The following BBS9 variants were observed in gnomAD, a reference collection of about 807,000 sequenced individuals.
BBS9 encodes Bardet-Biedl syndrome 9.
BBS9 carries 89 observed loss-of-function variants against 117.7 expected under a neutral mutation model. That is an observed-to-expected ratio of 0.76 (90% CI 0.64 to 0.90). The LOEUF is 0.90. Among genes scored for constraint, BBS9 ranks in the 40% least tolerant of loss-of-function variants. BBS9 has a pLI of 0.00. For missense variants in BBS9, 982 were observed against 1,042.2 expected, an observed-to-expected ratio of 0.94 and a Z score of 0.80; for synonymous variants, 379 against 370.9, an observed-to-expected ratio of 1.02 and a Z score of -0.25.
intron 19 of BBS9, among the ~76,000 whole-genome samples, chr7:33,473,870 A>G (rs528028421): frequency 6.6e-5 from 10 of 152,254 alleles, no homozygotes; most frequent in South Asian, 2.1e-4. Context: ...AGGGAATCAT[A>G]TCTTATTTAT....
intron 9 of BBS9, 100 bp downstream of exon 9, chr7:33,274,056 A>T: frequency 7.6e-7 from 1 of 1,322,654 alleles, no homozygotes; most frequent in Non-Finnish European, 1.1e-6. Context: ...TTAAAAAATT[A>T]CAGGTGACAT....
intron 19 of BBS9, among the ~76,000 whole-genome samples, chr7:33,411,009 G>A (rs1436766169): frequency 1.1e-5 from 1 of 91,590 alleles, no homozygotes; most frequent in African/African-American, 3.8e-5. Flanking sequence ...TAAAATGTTG[G>A]TGTTTTTTTT....
chr7:33,470,193 A>T (rs372248088), intron 19 of BBS9, among the ~76,000 whole-genome samples: 19 of 152,150 alleles, frequency 1.2e-4, no homozygotes, highest in African/African-American at 4.3e-4. Flanking sequence ...TTGCCTTTTC[A>T]TAACAATATA....
At chr7:33,522,321 C>T (rs1477147180) in intron 20 of BBS9, among the ~76,000 whole-genome samples, 1 of 151,924 alleles carries the variant, frequency 6.6e-6, no homozygotes, top group African/African-American at 2.4e-5. Context: ...GGAATCGCCA[C>T]ACTGACTTCC....
At chr7:33,595,044 A>C (rs192006576) in intron 21 of BBS9, among the ~76,000 whole-genome samples, 7 of 152,300 alleles carry the variant, frequency 4.6e-5, no homozygotes, top group Admixed American at 1.3e-4. Context: ...AAATTAACTC[A>C]AGATAGATTA....
intron 19 of BBS9, among the ~76,000 whole-genome samples, chr7:33,433,312 A>G (rs942570108): frequency 2.6e-5 from 4 of 152,218 alleles, no homozygotes; most frequent in Non-Finnish European, 4.4e-5. Context: ...AGTCATCTGT[A>G]TAATGCCTTT....
At chr7:33,430,679 A>G (rs1376342043) in intron 19 of BBS9, among the ~76,000 whole-genome samples, 1 of 152,224 alleles carries the variant, frequency 6.6e-6, no homozygotes, top group African/African-American at 2.4e-5. Context: ...GTGGATTTAA[A>G]ATATGATAAA....
At chr7:33,351,368 G>A (rs1818618253) in intron 14 of BBS9, 45 bp downstream of exon 14, 1 of 1,292,210 alleles carries the variant, frequency 7.7e-7, no homozygotes. Context: ...TTGGAGTTAT[G>A]AGTAAAATGC....
chr7:33,568,357 A>G, intron 21 of BBS9, among the ~76,000 whole-genome samples: 1 of 151,886 alleles, frequency 6.6e-6, no homozygotes, highest in East Asian at 1.9e-4. Flanking sequence ...TGACATCCCC[A>G]CTTCCTTCCT....
intron 21 of BBS9, among the ~76,000 whole-genome samples, chr7:33,585,133 A>G (rs1171501826): frequency 6.6e-6 from 1 of 152,094 alleles, no homozygotes; most frequent in African/African-American, 2.4e-5. Context: ...CTATAGAAGT[A>G]TCCACCAATG....
At chr7:33,201,685 G>A (rs1174914068) in intron 5 of BBS9, among the ~76,000 whole-genome samples, 1 of 151,764 alleles carries the variant, frequency 6.6e-6, no homozygotes, top group East Asian at 1.9e-4. Context: ...AGAAGCTCAT[G>A]TTTGTTTCTT....
At position 33,505,483 on chromosome 7, in the gene BBS9, A is replaced by G. The variant is rs1200861380; in HGVS notation, c.2136A>G (p.Ala712=). The part of the protein sequence containing the change: ...TYKQVIALAD[A]VEENQGNLFQ... Reference sequence around the variant, plus strand: ...TGCAGGTAATTGCTCTAGCAGATGCAGTGGAGGAAAACCAAGGCAATCTGT... The same window carrying G: ...TGCAGGTAATTGCTCTAGCAGATGCGGTGGAGGAAAACCAAGGCAATCTGT... Residue 712 remains alanine (A), a synonymous_variant, in exon 20 of 23, where the codon GCA becomes GCG. Coordinates refer to ENST00000242067, the MANE Select transcript of BBS9 (RefSeq NM_198428.3). The G allele has an allele frequency of 4.3e-6, 7 of 1,614,174 alleles. No homozygotes were observed. Among genetic ancestry groups the G allele is most frequent in the Non-Finnish European group, 5.9e-6 (7 of 1,179,974 alleles).
intron 5 of BBS9, among the ~76,000 whole-genome samples, chr7:33,179,445 C>T (rs1053902816): frequency 6.6e-6 from 1 of 152,154 alleles, no homozygotes; most frequent in South Asian, 2.1e-4. Context: ...GCTGCGCCTT[C>T]TGTCAGATCT....
intron 19 of BBS9, among the ~76,000 whole-genome samples, chr7:33,406,573 C>A (rs1266936664): frequency 6.6e-6 from 1 of 152,008 alleles, no homozygotes; most frequent in Admixed American, 6.6e-5. Context: ...CGGCTAGTAC[C>A]GGTTGTGCCT....
chr7:33,260,004 C>CTT (rs3083600), intron 6 of BBS9, among the ~76,000 whole-genome samples: 45,285 of 139,370 alleles, frequency 0.32, 7,573 homozygotes, highest in Admixed American at 0.45. Flanking sequence ...AGACTTTTTT[C>CTT]TTTTTTTTTT....
At chr7:33,578,483 G>A (rs1859323271) in intron 21 of BBS9, among the ~76,000 whole-genome samples, 2 of 152,188 alleles carry the variant, frequency 1.3e-5, no homozygotes, top group Non-Finnish European at 2.9e-5. Flanking sequence ...TCACCTGCTT[G>A]TGCAGGCCCT....
chr7:33,186,326 G>C (rs968369331), intron 5 of BBS9, among the ~76,000 whole-genome samples: 1 of 152,154 alleles, frequency 6.6e-6, no homozygotes, highest in Admixed American at 6.5e-5. Flanking sequence ...AGTGTTCTAA[G>C]AGCTTTTACA....
In BBS9 at chr7:33,243,774, TAATGGAC is replaced by T. The variant is rs376190718; in HGVS notation, c.443-13461_443-13455del. Among the ~76,000 whole-genome samples the T allele has an allele frequency of 8.5e-5, 13 of 152,282 alleles. No individual in the cohort carries two copies. In the East Asian group the frequency reaches 1.4e-3, roughly 16 times the overall value. On this transcript the variant is annotated intron_variant, in intron 5 of 22. Transcript: ENST00000242067. ...GTTAAAGTTTTGGATGGTCTTAAGATAATGGACGAAAAAGAGCTAATGTAAGTAAGTT... is the reference window on the plus strand; with the variant it reads ...GTTAAAGTTTTGGATGGTCTTAAGATGAAAAAGAGCTAATGTAAGTAAGTT...
At chr7:33,270,329 C>CT (rs1799586853) in intron 7 of BBS9, among the ~76,000 whole-genome samples, 1 of 152,138 alleles carries the variant, frequency 6.6e-6, no homozygotes, top group Non-Finnish European at 1.5e-5. Context: ...AATGATCGCA[C>CT]TAATTCTACA....
Sources: allele counts gnomAD v4.1 joint callset (sites outside exome capture counted in the v4.1 genomes callset), GRCh38; gene constraint gnomAD v4.1.1; transcripts MANE v1.5; gene names NCBI Gene and HGNC (gene_info 2026-07-23, HGNC 2026-07-21).